FGD5: variants seen among roughly 807,000 people sequenced by gnomAD.
The protein encoded by FGD5 is FYVE, RhoGEF and PH domain-containing protein 5.
FGD5 carries 28 observed loss-of-function variants against 133.4 expected under a neutral mutation model. That is an observed-to-expected ratio of 0.21 (90% CI 0.16 to 0.29). The LOEUF is 0.29. Ranked by LOEUF, FGD5 falls within the 10% of genes least tolerant of loss-of-function variation. The pLI is 1.00. For missense variants in FGD5, 1,858 were observed against 1,895.2 expected, an observed-to-expected ratio of 0.98 and a Z score of 0.36; for synonymous variants, 810 against 776.5, an observed-to-expected ratio of 1.04 and a Z score of -0.72.
At chr3:14,874,107 A>G (rs1456604106) in intron 2 of FGD5, among the ~76,000 whole-genome samples, 1 of 152,242 alleles carries the variant, frequency 6.6e-6, no homozygotes, top group Non-Finnish European at 1.5e-5. Flanking sequence ...TTCAGCCATA[A>G]AAAGGAAGGG....
chr3:14,922,169 A>T lies in FGD5; in HGVS notation c.3669+152A>T. 1 of 988,300 alleles carries T rather than the reference A, an allele frequency of 1.0e-6. No individual in the cohort carries two copies. Among genetic ancestry groups the T allele is most frequent in the East Asian group, 2.6e-5 (1 of 38,238 alleles). 61.2% of individuals were successfully genotyped at this position (988,300 alleles called of 1,614,324 possible). A position where few individuals can be genotyped will look rare whatever the true frequency, so the allele number is the denominator to read the frequency against. On this transcript the variant is annotated intron_variant, in intron 14 of 19. Transcript: ENST00000285046. This position sits in a 1 kb window ranked among gnomAD's most constrained non-coding sequence, Gnocchi z 4.1. ...CACACCCCTGCCATGCTCCCACCCT[A>T]GTCAGGGGCGGCCTCCGTGTAACCT... is the stretch of plus-strand genomic sequence containing the variant.
intron 4 of FGD5, among the ~76,000 whole-genome samples, chr3:14,894,623 CT>C (rs1041993466): frequency 9.9e-5 from 15 of 151,014 alleles, no homozygotes; most frequent in African/African-American, 3.7e-4. Flanking sequence ...TCAAGCGATC[CT>C]CCTGCCTCAG....
At chr3:14,818,407 G>A (rs910983317), upstream of FGD5, among the ~76,000 whole-genome samples, 6 of 152,108 alleles carry the variant, frequency 3.9e-5, no homozygotes, top group Non-Finnish European at 8.8e-5. Flanking sequence ...AAGGGTCCCC[G>A]GCTCTACCCT....
chr3:14,847,881 C>T (rs562937680), intron 1 of FGD5, among the ~76,000 whole-genome samples: 1 of 152,254 alleles, frequency 6.6e-6, no homozygotes, highest in African/African-American at 2.4e-5. Flanking sequence ...GATGCCTCCC[C>T]TCCTCTCTGA....
In FGD5 at chr3:14,922,613, C is replaced by A. The variant is rs2038707612; in HGVS notation, c.3807+65C>A. 9 of 1,521,730 alleles carry A rather than the reference C, an allele frequency of 5.9e-6. No homozygotes were observed. Among genetic ancestry groups the A allele is most frequent in the Non-Finnish European group, 7.9e-6 (9 of 1,135,914 alleles). 94.3% of individuals were successfully genotyped at this position (1,521,730 alleles called of 1,614,324 possible). The stretch of plus-strand genomic sequence containing the variant: ...GGGGTGGGGGAAGGGCATGTCCCTG[C>A]CCAGCCGGGGGCTCAGGGATGTCCA... On this transcript the variant is annotated intron_variant, in intron 15 of 19. Transcript: ENST00000285046. This position sits in a 1 kb window ranked among gnomAD's most constrained non-coding sequence, Gnocchi z 4.1.
intron 2 of FGD5, among the ~76,000 whole-genome samples, chr3:14,878,883 A>G (rs1442674356): frequency 6.6e-6 from 1 of 151,976 alleles, no homozygotes; most frequent in Non-Finnish European, 1.5e-5. Context: ...ATCTTTTTGT[A>G]TTTTTAGTAG....
chr3:14,888,637 G>A (rs1206479243), intron 4 of FGD5, among the ~76,000 whole-genome samples: 1 of 152,152 alleles, frequency 6.6e-6, no homozygotes, highest in Non-Finnish European at 1.5e-5. Context: ...TTAGAGTAGC[G>A]CCCTTCAGGC....
At chr3:14,850,381 G>A (rs1689526) in intron 1 of FGD5, among the ~76,000 whole-genome samples, 102,406 of 152,152 alleles carry the variant, frequency 0.67, 34,747 homozygotes, top group African/African-American at 0.74. Context: ...ATTTAAAAGC[G>A]TGGCCTGGTG....
chr3:14,874,947 C>G (rs1389255398), intron 2 of FGD5, among the ~76,000 whole-genome samples: 2 of 152,162 alleles, frequency 1.3e-5, no homozygotes, highest in African/African-American at 2.4e-5. Context: ...CTTGTCCTGG[C>G]AGGCACTCAC....
intron 13 of FGD5, among the ~76,000 whole-genome samples, chr3:14,919,525 G>A (rs1233238740): frequency 6.6e-6 from 1 of 152,232 alleles, no homozygotes; most frequent in African/African-American, 2.4e-5. Flanking sequence ...GGCTGAGGCA[G>A]GAGAATGGCG....
At chr3:14,890,345 G>A (rs1342101634) in intron 4 of FGD5, among the ~76,000 whole-genome samples, 1 of 152,194 alleles carries the variant, frequency 6.6e-6, no homozygotes, top group African/African-American at 2.4e-5. Context: ...CCTGGCTTTG[G>A]AAGAATTACC....
At chr3:14,879,327 G>A (rs1250518097) in intron 2 of FGD5, among the ~76,000 whole-genome samples, 2 of 152,232 alleles carry the variant, frequency 1.3e-5, no homozygotes, top group Admixed American at 6.5e-5. Flanking sequence ...CCGCCACAGC[G>A]TGTCTTTGCA....
intron 16 of FGD5, chr3:14,923,395 G>A (rs944426689): frequency 3.1e-5 from 19 of 609,312 alleles, no homozygotes; most frequent in Non-Finnish European, 5.3e-5. Context: ...TCTGTGGGTA[G>A]CTAAGCTTAG....
At chr3:14,834,168 G>A (rs994186228) in intron 1 of FGD5, among the ~76,000 whole-genome samples, 5 of 152,166 alleles carry the variant, frequency 3.3e-5, no homozygotes, top group African/African-American at 7.2e-5. Context: ...TGGGAGTTAC[G>A]GATTGCAGTG....
chr3:14,874,527 A>G (rs1017487732), intron 2 of FGD5, among the ~76,000 whole-genome samples: 1 of 152,152 alleles, frequency 6.6e-6, no homozygotes, highest in African/African-American at 2.4e-5. Context: ...TCACAGAAGC[A>G]AGGAGTAGAA....
At position 14,842,092 on chromosome 3, in the gene FGD5, C is replaced by T. The variant is rs544823441; in HGVS notation, c.2525+20496C>T. On this transcript the variant is annotated intron_variant, in intron 1 of 19. Transcript: ENST00000285046. ...AACTACACGTCCCCATGTTGAAATGCCAAGTTGTCCTCAAACCAACTCAGT... is the reference window on the plus strand; with the variant it reads ...AACTACACGTCCCCATGTTGAAATGTCAAGTTGTCCTCAAACCAACTCAGT... Among the ~76,000 whole-genome samples the T allele has an allele frequency of 2.6e-4, 40 of 152,338 alleles. No individual in the cohort carries two copies. The South Asian group carries it at 8.3e-3, about 32-fold the overall frequency.
chr3:14,867,158 C>T (rs114944334), intron 2 of FGD5, among the ~76,000 whole-genome samples: 229 of 152,338 alleles, frequency 1.5e-3, no homozygotes, highest in African/African-American at 5.2e-3. Flanking sequence ...AAAGTCCCCT[C>T]GAACTCTCAT....
chr3:14,934,065 T>C lies in FGD5; in HGVS notation c.*898T>C, dbSNP rs963393373. The C allele has an allele frequency of 6.6e-6, 1 of 152,228 alleles. No homozygotes were observed. The highest frequency in any genetic ancestry group is 1.9e-4 in the East Asian group (1 of 5,200). The allele number at this position is 152,228 out of a possible 1,614,324, so 9.4% of individuals were successfully genotyped here. A position where few individuals can be genotyped will look rare whatever the true frequency, so the allele number is the denominator to read the frequency against. On this transcript the variant is annotated 3_prime_UTR_variant, in exon 20 of 20. Coordinates refer to ENST00000285046, the MANE Select transcript of FGD5 (RefSeq NM_152536.4). ...TTTACCTCACTCAAGCTGACAACAT[T>C]GTTTATGGGAATCTATCCTTCTTTT...
At chr3:14,912,860 C>T (rs1188893453) in intron 11 of FGD5, among the ~76,000 whole-genome samples, 3 of 152,034 alleles carry the variant, frequency 2.0e-5, no homozygotes, top group African/African-American at 7.3e-5. Context: ...CATGGTGAAA[C>T]CCCATCTCTA....
Sources: allele counts gnomAD v4.1 joint callset (sites outside exome capture counted in the v4.1 genomes callset), GRCh38; gene constraint gnomAD v4.1.1; non-coding constraint Gnocchi (gnomAD v3.1); transcripts MANE v1.5; gene names NCBI Gene and HGNC (gene_info 2026-07-23, HGNC 2026-07-21).